The following BFSP2 variants were observed in gnomAD, a reference collection of about 807,000 sequenced individuals.
BFSP2 encodes beaded filament structural protein 2, also known as phakinin.
Under a neutral mutation model 44.9 loss-of-function variants are expected in BFSP2, and 38 were observed. The ratio of observed to expected loss-of-function variants is 0.85; its 90% confidence interval spans 0.65 to 1.11. The LOEUF (loss-of-function observed/expected upper bound fraction) is 1.11, where lower values mean the gene tolerates loss of function less well. Among genes scored for constraint, BFSP2 ranks in the 50% least tolerant of loss-of-function variants. The pLI is 0.00. For missense variants in BFSP2, 525 were observed against 533.0 expected (o/e 0.99, Z 0.15); for synonymous variants, 197 against 209.9 (o/e 0.94, Z 0.53).
chr3:133,403,690 G>A (rs886628571), intron 1 of BFSP2, among the ~76,000 whole-genome samples: 1 of 152,168 alleles, frequency 6.6e-6, no homozygotes, highest in Non-Finnish European at 1.5e-5. Context: ...GCTTTCAGAG[G>A]GGGAGAAGAG....
chr3:133,410,429 G>T, intron 1 of BFSP2: 1 of 272,890 alleles, frequency 3.7e-6, no homozygotes, highest in Non-Finnish European at 7.3e-6. Context: ...ACTCCAAGCC[G>T]CGCTCTTCCA....
chr3:133,465,430 T>C (rs2107939405), intron 4 of BFSP2, among the ~76,000 whole-genome samples: 1 of 152,336 alleles, frequency 6.6e-6, no homozygotes, highest in South Asian at 2.1e-4. Context: ...GTAGAGTTTT[T>C]TCCCTCCTCC....
At position 133,461,992 on chromosome 3, in the gene BFSP2, C is replaced by T. The variant is rs1384117565; in HGVS notation, c.892-4836C>T. On this transcript the variant is annotated intron_variant, in intron 4 of 6. Transcript: ENST00000302334. ...ATAACTTTATTAATTTTTTAGTTAT[C>T]CTCTACCCACTGCAAGGGATACTGT... Among the ~76,000 whole-genome samples, 5 of 152,158 alleles carry T rather than the reference C, an allele frequency of 3.3e-5. No homozygotes were observed. The East Asian group carries it at 9.6e-4, about 29-fold the overall frequency.
chr3:133,403,874 C>T (rs1263358217), intron 1 of BFSP2, among the ~76,000 whole-genome samples: 1 of 151,952 alleles, frequency 6.6e-6, no homozygotes, highest in Non-Finnish European at 1.5e-5. Flanking sequence ...GGAAGAGGAG[C>T]CAGGAGGAGG....
chr3:133,431,150 C>T (rs1252898782), intron 1 of BFSP2, among the ~76,000 whole-genome samples: 1 of 152,146 alleles, frequency 6.6e-6, no homozygotes. Flanking sequence ...GTCTTATTCT[C>T]AATATACATT....
intron 1 of BFSP2, among the ~76,000 whole-genome samples, chr3:133,434,130 T>G (rs1197548305): frequency 6.6e-6 from 1 of 150,484 alleles, no homozygotes. Context: ...ACTCTTGAAG[T>G]AAATAAATAA....
rs560126949 is a variant in BFSP2, at chr3:133,431,535, C to A, written c.490-15782C>A. ...ACTCACCTGGCAGCCACTCCCAGAG[C>A]CCCTGGAACTCTGGCCCGAGGCTCT... On this transcript the variant is annotated intron_variant, in intron 1 of 6. Transcript: ENST00000302334. Among the ~76,000 whole-genome samples, 7 of 152,294 alleles carry A rather than the reference C, an allele frequency of 4.6e-5. No homozygotes were observed. In the Middle Eastern group the frequency reaches 0.01, roughly 222 times the overall value.
At chr3:133,418,161 CCCCTCTCTT>C (rs1415978835) in intron 1 of BFSP2, among the ~76,000 whole-genome samples, 1 of 151,930 alleles carries the variant, frequency 6.6e-6, no homozygotes, top group Non-Finnish European at 1.5e-5. Context: ...CCTGTTCTCT[CCCCTCTCTT>C]CCCACCTCCT....
intron 5 of BFSP2, among the ~76,000 whole-genome samples, chr3:133,470,493 C>G (rs886080078): frequency 6.6e-6 from 1 of 152,122 alleles, no homozygotes; most frequent in Non-Finnish European, 1.5e-5. Flanking sequence ...TATAGGTGAA[C>G]CATAGTTAAA....
chr3:133,426,446 A>G (rs2073655171), intron 1 of BFSP2, among the ~76,000 whole-genome samples: 1 of 152,216 alleles, frequency 6.6e-6, no homozygotes, highest in African/African-American at 2.4e-5. Context: ...AAATCCAGGA[A>G]AGAAAGCTCC....
intron 4 of BFSP2, among the ~76,000 whole-genome samples, chr3:133,461,695 C>G (rs2074065498): frequency 6.6e-6 from 1 of 152,190 alleles, no homozygotes; most frequent in Admixed American, 6.5e-5. Context: ...GCAGTGGTTA[C>G]TTTAGGTGAG....
intron 1 of BFSP2, among the ~76,000 whole-genome samples, chr3:133,417,020 C>G (rs1375573436): frequency 7.1e-6 from 1 of 140,072 alleles, no homozygotes; most frequent in South Asian, 2.4e-4. Flanking sequence ...CTCTCCTCTA[C>G]TCACCCCTCT....
chr3:133,475,101 A>ATT lies in BFSP2; in HGVS notation c.*129_*130insTT. The ATT allele has an allele frequency of 5.8e-6, 8 of 1,368,800 alleles. No homozygotes were observed. Among genetic ancestry groups the ATT allele is most frequent in the South Asian group, 1.2e-5 (1 of 85,968 alleles). 84.8% of individuals were successfully genotyped at this position (1,368,800 alleles called of 1,614,324 possible). ...CCCTGGTTAATTCAGCTTGAGCTGA[A>ATT]AAGCTTCCTGGAAGTGGAGAGGATC... On this transcript the variant is annotated 3_prime_UTR_variant, in exon 7 of 7. Transcript: ENST00000302334.
At chr3:133,401,306 T>C (rs1260194792) in intron 1 of BFSP2, among the ~76,000 whole-genome samples, 2 of 152,248 alleles carry the variant, frequency 1.3e-5, no homozygotes, top group African/African-American at 4.8e-5. Flanking sequence ...ATATCTTATA[T>C]CTGCACTGTC....
intron 1 of BFSP2, among the ~76,000 whole-genome samples, chr3:133,422,093 G>A (rs974040730): frequency 5.6e-5 from 6 of 106,558 alleles, no homozygotes; most frequent in African/African-American, 8.2e-5. Flanking sequence ...GCAACAAAGC[G>A]AGACTCCATC....
chr3:133,472,590 A>T, intron 6 of BFSP2, 25 bp downstream of exon 6: 1 of 1,604,856 alleles, frequency 6.2e-7, no homozygotes, highest in Non-Finnish European at 8.5e-7. Flanking sequence ...CGCGTCAATT[A>T]TCCAAGAGAT....
intron 1 of BFSP2, chr3:133,429,439 C>G (rs920027898): frequency 2.0e-5 from 3 of 152,212 alleles, no homozygotes; most frequent in Non-Finnish European, 4.4e-5. Context: ...CCTATTTTCT[C>G]AGGGGACCTC....
chr3:133,406,081 G>C (rs1451375578), intron 1 of BFSP2, among the ~76,000 whole-genome samples: 4 of 151,094 alleles, frequency 2.6e-5, no homozygotes, highest in African/African-American at 9.7e-5. Context: ...CTCCCAAGTA[G>C]CTGGGATTAC....
At chr3:133,468,293 C>A (rs11928329) in intron 5 of BFSP2, among the ~76,000 whole-genome samples, 13,866 of 152,110 alleles carry the variant, frequency 0.091, 2,036 homozygotes, top group African/African-American at 0.31. Context: ...TGGGTGCTCT[C>A]CTCACTCACT....
Sources: allele counts gnomAD v4.1 joint callset (sites outside exome capture counted in the v4.1 genomes callset), GRCh38; gene constraint gnomAD v4.1.1; transcripts MANE v1.5; gene names NCBI Gene and HGNC (gene_info 2026-07-23, HGNC 2026-07-21).